ARHGAP5: variants seen among roughly 807,000 people sequenced by gnomAD.
ARHGAP5 encodes Rho GTPase activating protein 5.
ARHGAP5 carries 23 observed loss-of-function variants against 116.6 expected under a neutral mutation model. The observed-to-expected ratio is 0.20, with a 90% CI of 0.14 to 0.28. ARHGAP5 has a LOEUF of 0.28. Ranked by LOEUF, ARHGAP5 falls within the 10% of genes least tolerant of loss-of-function variation. ARHGAP5 has a pLI of 1.00. For synonymous variants in ARHGAP5, 574 were observed against 602.0 expected, an observed-to-expected ratio of 0.95 and a Z score of 0.68; for missense variants, 1,405 against 1,774.8, an observed-to-expected ratio of 0.79 and a Z score of 3.74.
intron 3 of ARHGAP5, among the ~76,000 whole-genome samples, chr14:32,143,239 G>GTTGTTGTTA (rs1456165613): frequency 1.8e-4 from 26 of 143,974 alleles, no homozygotes; most frequent in East Asian, 6.1e-4. Flanking sequence ...TGTTGTTGTT[G>GTTGTTGTTA]TTATTATTAT....
At chr14:32,095,939 G>GT (rs1041609674) in intron 2 of ARHGAP5, among the ~76,000 whole-genome samples, 102 of 150,000 alleles carry the variant, frequency 6.8e-4, no homozygotes, top group African/African-American at 1.7e-3. Context: ...TTATTTTTGT[G>GT]TTTTTTTTTC....
chr14:32,137,722 C>G (rs938635718), intron 3 of ARHGAP5, among the ~76,000 whole-genome samples: 5 of 152,164 alleles, frequency 3.3e-5, no homozygotes, highest in African/African-American at 1.2e-4. Context: ...CCTGTAATCC[C>G]AGCACTCTGG....
chr14:32,132,925 G>A (rs1365272618), intron 3 of ARHGAP5, among the ~76,000 whole-genome samples: 2 of 152,114 alleles, frequency 1.3e-5, no homozygotes. Flanking sequence ...TGAGGGCTCT[G>A]TTCTGTTCCA....
At chr14:32,146,155 C>G (rs768803797) in intron 3 of ARHGAP5, 108 bp from the exon 4 acceptor site, 43 of 737,380 alleles carry the variant, frequency 5.8e-5, no homozygotes, top group Non-Finnish European at 8.7e-5. Flanking sequence ...AAGCAGTTCT[C>G]CCACCTTGGC....
intron 3 of ARHGAP5, among the ~76,000 whole-genome samples, chr14:32,129,965 C>T (rs1880386023): frequency 6.6e-6 from 1 of 152,146 alleles, no homozygotes; most frequent in African/African-American, 2.4e-5. Flanking sequence ...TTTTGGGAAG[C>T]CAAGGAAGGA....
intron 2 of ARHGAP5, among the ~76,000 whole-genome samples, chr14:32,105,796 C>T (rs1878990004): frequency 6.6e-6 from 1 of 152,182 alleles, no homozygotes; most frequent in East Asian, 1.9e-4. Flanking sequence ...CCATCCCTAA[C>T]CACTGATAGC....
chr14:32,103,133 A>G (rs780832140), intron 2 of ARHGAP5, among the ~76,000 whole-genome samples: 30 of 152,328 alleles, frequency 2.0e-4, no homozygotes, highest in South Asian at 8.3e-4. Context: ...TGATGTTTCT[A>G]TAATTTCTCA....
At chr14:32,130,039 G>A (rs977344093) in intron 3 of ARHGAP5, among the ~76,000 whole-genome samples, 4 of 151,138 alleles carry the variant, frequency 2.6e-5, no homozygotes, top group African/African-American at 9.7e-5. Context: ...TTCCAGCCTG[G>A]GTAACAGAGT....
intron 2 of ARHGAP5, among the ~76,000 whole-genome samples, chr14:32,094,680 T>C (rs1050688513): frequency 2.0e-5 from 3 of 152,196 alleles, no homozygotes; most frequent in African/African-American, 2.4e-5. Flanking sequence ...CCATTTGTAA[T>C]CATCCTATTT....
chr14:32,093,416 C>T lies in ARHGAP5; in HGVS notation c.2747C>T (p.Thr916Ile), dbSNP rs1231812212. 5.6e-6 allele frequency: 9 copies of T among 1,613,912 alleles called. No homozygotes were observed. The highest frequency in any genetic ancestry group is 7.6e-6 in the Non-Finnish European group (9 of 1,179,888). Reference sequence around the variant, plus strand: ...GCAACTGAGATCACTGCTAAATTTACAGCACTGTATTCTTTATCTCAGTAT... The same window carrying T: ...GCAACTGAGATCACTGCTAAATTTATAGCACTGTATTCTTTATCTCAGTAT... The part of the protein sequence containing the change: ...HIATEITAKF[T>I]ALYSLSQYHR... Residue 916 changes from threonine to isoleucine, a missense_variant, in exon 2 of 7, where the codon ACA (threonine) becomes ATA (isoleucine). This residue lies in a region of ARHGAP5 where 944 missense variants were observed against 1,095.3 expected (regional missense o/e 0.86). Coordinates refer to ENST00000345122, the MANE Select transcript of ARHGAP5 (RefSeq NM_001030055.2).
Position 32,114,789 on chromosome 14 carries a change from A to AT in ARHGAP5, c.3718-2349dup, listed in dbSNP as rs538471434. On this transcript the variant is annotated intron_variant, in intron 2 of 6. Coordinates refer to ENST00000345122, the MANE Select transcript of ARHGAP5 (RefSeq NM_001030055.2). ...GATATTCAGAGACTCAGAAGAATAC[A>AT]TTGAAGTATGCATTCAAAAGACAGA... 3.2e-4 allele frequency among the ~76,000 whole-genome samples: 49 copies of AT among 152,360 alleles called. No homozygotes were observed. The East Asian group carries it at 8.5e-3, about 26-fold the overall frequency.
At chr14:32,138,338 G>A (rs1201808940) in intron 3 of ARHGAP5, among the ~76,000 whole-genome samples, 1 of 152,228 alleles carries the variant, frequency 6.6e-6, no homozygotes, top group Non-Finnish European at 1.5e-5. Flanking sequence ...AGGCTGGAGT[G>A]CAGCAGTGCA....
chr14:32,146,199 C>G, intron 3 of ARHGAP5, 64 bp from the exon 4 acceptor site: 1 of 1,243,224 alleles, frequency 8.0e-7, no homozygotes, highest in African/African-American at 1.5e-5. Flanking sequence ...ACATGAGCCA[C>G]TGTGCCCAGC....
At chr14:32,078,818 T>C (rs1304102038) in intron 1 of ARHGAP5, among the ~76,000 whole-genome samples, 1 of 152,230 alleles carries the variant, frequency 6.6e-6, no homozygotes, top group East Asian at 1.9e-4. Context: ...AAAAATACGT[T>C]AATGAAACCT....
chr14:32,078,363 C>A (rs892293990), intron 1 of ARHGAP5: 1 of 152,228 alleles, frequency 6.6e-6, no homozygotes, highest in African/African-American at 2.4e-5. Context: ...GACGCTTATA[C>A]TTCTACCATG....
chr14:32,139,592 CT>C (rs1176258618), intron 3 of ARHGAP5, among the ~76,000 whole-genome samples: 1 of 151,730 alleles, frequency 6.6e-6, no homozygotes, highest in Non-Finnish European at 1.5e-5. Context: ...GGAGTCTTCT[CT>C]TTTTTTTCCT....
At position 32,159,239 on chromosome 14, in the gene ARHGAP5, A is replaced by G. The variant is rs992468385; in HGVS notation, c.*4291A>G. 5.3e-5 allele frequency: 8 copies of G among 152,108 alleles called. No homozygotes were observed. Among genetic ancestry groups the G allele is most frequent in the Non-Finnish European group, 1.0e-4 (7 of 67,986 alleles). 9.4% of individuals were successfully genotyped at this position (152,108 alleles called of 1,614,324 possible). On this transcript the variant is annotated 3_prime_UTR_variant, in exon 7 of 7. Coordinates refer to ENST00000345122, the MANE Select transcript of ARHGAP5 (RefSeq NM_001030055.2). ...AGTTAGTAGTATTAAGACCTGCAGT[A>G]TATGCACTTTTTGAGTAGCTGTCAA...
Position 32,155,866 on chromosome 14 carries a change from T to A in ARHGAP5, c.*918T>A, listed in dbSNP as rs1419616593. 6.6e-6 allele frequency: 1 copy of A among 152,582 alleles called. No homozygotes were observed. Among genetic ancestry groups the A allele is most frequent in the Admixed American group, 6.5e-5 (1 of 15,276 alleles). 9.5% of individuals were successfully genotyped at this position (152,582 alleles called of 1,614,324 possible). On this transcript the variant is annotated 3_prime_UTR_variant, in exon 7 of 7. Transcript: ENST00000345122. Reference sequence around the variant, plus strand: ...TTATATAACTTTTCATACATAAACATGAAATTTGTTGTAGAAAATTCTTTA... The same window carrying A: ...TTATATAACTTTTCATACATAAACAAGAAATTTGTTGTAGAAAATTCTTTA...
intron 1 of ARHGAP5, among the ~76,000 whole-genome samples, chr14:32,086,800 A>AT (rs1445549027): frequency 1.8e-4 from 27 of 151,866 alleles, no homozygotes; most frequent in Non-Finnish European, 2.9e-5. Flanking sequence ...TTTTGACACA[A>AT]TTTTAATTTC....
Sources: gnomAD v4.1 joint callset for allele counts (sites outside exome capture counted in the v4.1 genomes callset) on GRCh38, gnomAD v4.1.1 for gene constraint, gnomAD v4.1.1 regional missense constraint, MANE v1.5 for transcripts, NCBI Gene and HGNC (gene_info 2026-07-23, HGNC 2026-07-21) for gene names.